PCDH15: variants seen among roughly 807,000 people sequenced by gnomAD.
PCDH15 encodes the protein protocadherin-15.
In PCDH15, 129 loss-of-function variants were observed where a neutral mutation model predicts 178.5. The observed-to-expected ratio is 0.72, with a 90% CI of 0.63 to 0.84. PCDH15 has a LOEUF of 0.84. Ranked by LOEUF, PCDH15 falls within the 40% of genes least tolerant of loss-of-function variation. PCDH15 has a pLI of 0.00. For synonymous variants in PCDH15, 800 were observed against 732.0 expected, an observed-to-expected ratio of 1.09 and a Z score of -1.50; for missense variants, 2,230 against 2,099.9, an observed-to-expected ratio of 1.06 and a Z score of -1.21.
intron 2 of PCDH15, among the ~76,000 whole-genome samples, chr10:54,912,202 T>G (rs1691631909): frequency 1.3e-5 from 2 of 152,072 alleles, no homozygotes; most frequent in African/African-American, 2.4e-5. Context: ...GCTAATTCAG[T>G]TAAGTTTAAT....
chr10:55,451,105 C>T (rs181493076), intron 2 of PCDH15, among the ~76,000 whole-genome samples: 5 of 151,810 alleles, frequency 3.3e-5, no homozygotes, highest in African/African-American at 4.8e-5. Context: ...GAGCACAACT[C>T]GGGTCTAAAT....
chr10:53,834,514 A>ATG (rs888312775), intron 29 of PCDH15, among the ~76,000 whole-genome samples: 1 of 130,642 alleles, frequency 7.7e-6, no homozygotes, highest in African/African-American at 3.3e-5. Context: ...CAACACAGAA[A>ATG]TGTGTTTTTT....
chr10:55,025,132 CT>C (rs548557585), intron 2 of PCDH15, among the ~76,000 whole-genome samples: 32 of 151,946 alleles, frequency 2.1e-4, no homozygotes, highest in African/African-American at 7.5e-4. Flanking sequence ...TACCCCAATT[CT>C]AGTAGTTCTG....
rs980935731 is a variant in PCDH15, at chr10:54,644,164, G to A, written c.91+20008C>T. 2.7e-5 allele frequency among the ~76,000 whole-genome samples: 4 copies of A among 150,088 alleles called. No individual in the cohort carries two copies. In the East Asian group the frequency reaches 6.0e-4, roughly 23 times the overall value. On this transcript the variant is annotated intron_variant, in intron 2 of 37. Transcript: ENST00000644397. ...GACATGAACTCATCATTTTTTTATG[G>A]CTGCATAGTATTCCACGGTGTATAT...
chr10:55,379,107 G>GAT (rs58819126), intron 2 of PCDH15, among the ~76,000 whole-genome samples: 2,374 of 148,452 alleles, frequency 0.016, 39 homozygotes, highest in African/African-American at 0.035. Context: ...CACATACATT[G>GAT]ATATATATAT....
At chr10:54,720,918 T>C (rs11004495) in intron 1 of PCDH15, among the ~76,000 whole-genome samples, 18,536 of 151,996 alleles carry the variant, frequency 0.12, 1,261 homozygotes, top group African/African-American at 0.17. Context: ...TTACATTTCA[T>C]CCTAAACCAC....
At chr10:55,255,230 G>T (rs1468465716) in intron 1 of PCDH15, among the ~76,000 whole-genome samples, 2 of 41,592 alleles carry the variant, frequency 4.8e-5, no homozygotes, top group African/African-American at 9.6e-5. Flanking sequence ...GTGATAGTTT[G>T]CTGAGAATGA....
intron 2 of PCDH15, among the ~76,000 whole-genome samples, chr10:54,930,474 G>T (rs1706752): frequency 0.45 from 68,949 of 151,874 alleles, 15,886 homozygotes; most frequent in Middle Eastern, 0.55. Context: ...ACTTCCTTGG[G>T]GCAAGACAAT....
chr10:55,397,554 T>C (rs1402965891), intron 2 of PCDH15, among the ~76,000 whole-genome samples: 1 of 152,046 alleles, frequency 6.6e-6, no homozygotes, highest in Non-Finnish European at 1.5e-5. Context: ...TTCATTTGTG[T>C]TTCTGTGTTT....
chr10:54,283,013 GA>G (rs1392771791), intron 8 of PCDH15, among the ~76,000 whole-genome samples: 3 of 151,886 alleles, frequency 2.0e-5, no homozygotes, highest in Admixed American at 2.0e-4. Context: ...ACCTTACTAT[GA>G]AAAAAAGAGT....
At chr10:55,158,078 G>GTGTGTGTGTGTGTGTA (rs1335196401) in intron 2 of PCDH15, among the ~76,000 whole-genome samples, 1 of 117,174 alleles carries the variant, frequency 8.5e-6, no homozygotes, top group African/African-American at 3.5e-5. Flanking sequence ...GTATGTGTGT[G>GTGTGTGTGTGTGTGTA]TATATATATA....
At chr10:54,097,139 C>T (rs111671713) in intron 15 of PCDH15, among the ~76,000 whole-genome samples, 4,253 of 152,282 alleles carry the variant, frequency 0.028, 74 homozygotes, top group Middle Eastern at 0.051. Context: ...GCTTCTTCCA[C>T]AGACCATTTT....
chr10:55,609,099 G>C (rs1441421068), intron 2 of PCDH15, among the ~76,000 whole-genome samples: 1 of 151,016 alleles, frequency 6.6e-6, no homozygotes, highest in African/African-American at 2.4e-5. Flanking sequence ...TTCTGGACTT[G>C]TGTCCCTTGC....
At chr10:54,432,775 C>A (rs1025490517) in intron 3 of PCDH15, among the ~76,000 whole-genome samples, 9 of 152,160 alleles carry the variant, frequency 5.9e-5, no homozygotes, top group African/African-American at 2.2e-4. Context: ...AAAAAATCAA[C>A]AAATTGAACT....
At chr10:55,095,977 T>C (rs530857477) in intron 2 of PCDH15, among the ~76,000 whole-genome samples, 1 of 152,218 alleles carries the variant, frequency 6.6e-6, no homozygotes, top group East Asian at 1.9e-4. Context: ...TACAAATCCA[T>C]TGAAATAACT....
At chr10:55,353,563 G>A (rs1206026911) in intron 2 of PCDH15, among the ~76,000 whole-genome samples, 2 of 152,236 alleles carry the variant, frequency 1.3e-5, no homozygotes, top group African/African-American at 2.4e-5. Flanking sequence ...GCAGGCAAGT[G>A]TATACAGTAT....
intron 2 of PCDH15, among the ~76,000 whole-genome samples, chr10:54,536,060 C>T (rs1758827): frequency 0.28 from 43,007 of 151,920 alleles, 6,759 homozygotes; most frequent in East Asian, 0.44. Context: ...TTAAGATGAA[C>T]AGAACAATTC....
intron 23 of PCDH15, among the ~76,000 whole-genome samples, chr10:53,946,903 A>G (rs2086621482): frequency 6.6e-6 from 1 of 151,950 alleles, no homozygotes; most frequent in Admixed American, 6.6e-5. Context: ...CAGCCTCCTG[A>G]GTAGCTGGGA....
intron 25 of PCDH15, among the ~76,000 whole-genome samples, chr10:53,924,437 T>C: frequency 6.6e-6 from 1 of 152,138 alleles, no homozygotes; most frequent in Admixed American, 6.5e-5. Flanking sequence ...GCTTGGGACC[T>C]GCAGCCCGCC....
Sources: allele counts gnomAD v4.1 joint callset (sites outside exome capture counted in the v4.1 genomes callset), GRCh38; gene constraint gnomAD v4.1.1; transcripts MANE v1.5; gene names NCBI Gene and HGNC (gene_info 2026-07-23, HGNC 2026-07-21).